VAMP7: variants seen among roughly 807,000 people sequenced by gnomAD.
VAMP7 encodes the protein vesicle-associated membrane protein 7.
VAMP7 carries 14 observed loss-of-function variants against 29.6 expected under a neutral mutation model. That is an observed-to-expected ratio of 0.47 (90% confidence interval 0.31 to 0.74). VAMP7 has a LOEUF of 0.74. Among genes scored for constraint, VAMP7 ranks in the 30% least tolerant of loss-of-function variants. VAMP7 has a pLI of 0.05. For missense variants in VAMP7, 223 were observed against 262.4 expected, an observed-to-expected ratio of 0.85 and a Z score of 1.04; for synonymous variants, 95 against 88.1, an observed-to-expected ratio of 1.08 and a Z score of -0.44.
intron 5 of VAMP7, among the ~76,000 whole-genome samples, chrX:155,912,220 T>C (rs2066247250): frequency 6.6e-6 from 1 of 152,154 alleles, no homozygotes; most frequent in Non-Finnish European, 1.5e-5. Flanking sequence ...TTTGATACCT[T>C]GAACTATATA....
At chrX:155,932,664 T>A (rs1268853674) in intron 6 of VAMP7, among the ~76,000 whole-genome samples, 1 of 152,184 alleles carries the variant, frequency 6.6e-6, no homozygotes, top group African/African-American at 2.4e-5. Context: ...AGGGACAATT[T>A]GATTTCCTCT....
rs773031362 is a variant in VAMP7 at position 155,943,295 on chromosome X, C to G, written c.*1344C>G. On this transcript the variant is annotated 3_prime_UTR_variant, in exon 8 of 8. Coordinates refer to ENST00000286448, the MANE Select transcript of VAMP7 (RefSeq NM_005638.6). ...CTGTAGAATCTAGCCACCTGTTTAG[C>G]CTAGTCATGTGCCTTGAACATATAT... 18 of 152,224 alleles carry G rather than the reference C, an allele frequency of 1.2e-4. No homozygotes were observed. The highest frequency in any genetic ancestry group is 4.3e-4 in the African/African-American group (18 of 41,406). 9.4% of individuals were successfully genotyped at this position (152,224 alleles called of 1,614,324 possible).
Position 155,942,287 on chromosome X carries a change from C to A in VAMP7, c.*336C>A. ...CGCCGCTAGTCTTATGAGCTATCTA[C>A]TAAAACTATGGAGAAACTTTGTATG... On this transcript the variant is annotated 3_prime_UTR_variant, in exon 8 of 8. Coordinates refer to ENST00000286448, the MANE Select transcript of VAMP7 (RefSeq NM_005638.6). 1.0e-6 allele frequency: 1 copy of A among 1,000,452 alleles called. No homozygotes were observed. The highest frequency in any genetic ancestry group is 1.8e-5 in the South Asian group (1 of 55,510). The allele number at this position is 1,000,452 out of a possible 1,614,324, so 62.0% of individuals were successfully genotyped here. A position where few individuals can be genotyped will look rare whatever the true frequency, so the allele number is the denominator to read the frequency against.
rs149222970 is a variant in VAMP7, at chrX:155,899,344, T to C, written c.342+1095T>C. ...CAGTTGATGTGTAATGGTATCTCAT[T>C]GTGGTTTTAATTTATGTTTTCATGA... On this transcript the variant is annotated intron_variant, in intron 4 of 7. Transcript: ENST00000286448. Among the ~76,000 whole-genome samples, 1,173 of 152,110 alleles carry C rather than the reference T, an allele frequency of 7.7e-3. 5 individuals are homozygous for C. The highest frequency in any genetic ancestry group is 0.014 in the Middle Eastern group (4 of 294).
At position 155,943,200 on chromosome X, in the gene VAMP7, T is replaced by G. The variant is rs2124420507; in HGVS notation, c.*1249T>G. 6.6e-6 allele frequency: 1 copy of G among 150,620 alleles called. No homozygotes were observed. Among genetic ancestry groups the G allele is most frequent in the South Asian group, 2.2e-4 (1 of 4,598 alleles). 9.3% of individuals were successfully genotyped at this position (150,620 alleles called of 1,614,324 possible). A position where few individuals can be genotyped will look rare whatever the true frequency, so the allele number is the denominator to read the frequency against. The stretch of plus-strand genomic sequence containing the variant: ...CTACCCTAGATCCAATTGCATTTAT[T>G]TATCAATAAGTGCCATTAAATTGAA... On this transcript the variant is annotated 3_prime_UTR_variant, in exon 8 of 8. Coordinates refer to ENST00000286448, the MANE Select transcript of VAMP7 (RefSeq NM_005638.6).
At chrX:155,935,988 A>G (rs1316433720) in intron 6 of VAMP7, among the ~76,000 whole-genome samples, 2 of 152,110 alleles carry the variant, frequency 1.3e-5, no homozygotes, top group South Asian at 2.1e-4. Context: ...TTGCCTGGGT[A>G]TCAGCAGCGG....
rs761649071 is a variant in VAMP7 at position 155,924,521 on chromosome X, T to G, written c.501+4641T>G. ...TCTCTGAATTTGCCTGTTCTAGATATGTCATATAAGTGGGATCATACAAAA... is the reference window on the plus strand; with the variant it reads ...TCTCTGAATTTGCCTGTTCTAGATAGGTCATATAAGTGGGATCATACAAAA... On this transcript the variant is annotated intron_variant, in intron 6 of 7. Transcript: ENST00000286448. Among the ~76,000 whole-genome samples, 26 of 152,304 alleles carry G rather than the reference T, an allele frequency of 1.7e-4. No homozygotes were observed. The East Asian group carries it at 5.0e-3, about 29-fold the overall frequency.
At chrX:155,940,570 A>C (rs1472186916) in intron 7 of VAMP7, among the ~76,000 whole-genome samples, 1 of 152,140 alleles carries the variant, frequency 6.6e-6, no homozygotes, top group Non-Finnish European at 1.5e-5. Context: ...CTGGGAGTTT[A>C]GGTTGATTTG....
chrX:155,929,425 A>G (rs2066515877), intron 6 of VAMP7, among the ~76,000 whole-genome samples: 4 of 152,170 alleles, frequency 2.6e-5, no homozygotes, highest in Non-Finnish European at 5.9e-5. Flanking sequence ...CTAGTCAGCA[A>G]CAAATTGCCT....
At chrX:155,928,982 A>G (rs1423825356) in intron 6 of VAMP7, among the ~76,000 whole-genome samples, 2 of 152,124 alleles carry the variant, frequency 1.3e-5, no homozygotes, top group Non-Finnish European at 2.9e-5. Context: ...ATCCTCACAC[A>G]TTTTCTTCAT....
chrX:155,913,242 G>C (rs1181892552), intron 5 of VAMP7, among the ~76,000 whole-genome samples: 2 of 151,838 alleles, frequency 1.3e-5, no homozygotes, highest in Non-Finnish European at 2.9e-5. Context: ...TTGTAAATTT[G>C]TTTAAGTTCC....
chrX:155,928,133 G>T (rs2066498007), intron 6 of VAMP7, among the ~76,000 whole-genome samples: 1 of 151,688 alleles, frequency 6.6e-6, no homozygotes, highest in East Asian at 1.9e-4. Context: ...ATGTTGCTCT[G>T]GCTGGTCTCA....
chrX:155,929,641 T>C (rs945528813), intron 6 of VAMP7, among the ~76,000 whole-genome samples: 4 of 152,152 alleles, frequency 2.6e-5, no homozygotes, highest in African/African-American at 9.7e-5. Flanking sequence ...GTTTATCCCA[T>C]GTCACTGGGG....
rs186155600 is a variant in VAMP7, at chrX:155,940,511, A to G, written c.594+718A>G. ...GTTCCTTGCTCAGGTTTCTCTTTCT[A>G]ATATCACATTTTAGGCTCCTGAGCT... On this transcript the variant is annotated intron_variant, in intron 7 of 7. Coordinates refer to ENST00000286448, the MANE Select transcript of VAMP7 (RefSeq NM_005638.6). Among the ~76,000 whole-genome samples the G allele has an allele frequency of 1.6e-3, 244 of 152,266 alleles. 2 individuals carry two copies. The highest frequency in any genetic ancestry group is 5.6e-3 in the African/African-American group (233 of 41,546).
At chrX:155,900,381 T>A (rs1053271936) in intron 4 of VAMP7, 116 bp from the exon 5 acceptor site, 8 of 778,676 alleles carry the variant, frequency 1.0e-5, no homozygotes, top group Non-Finnish European at 1.4e-5. Context: ...ATCTTTTATA[T>A]CAATAGAGAC....
chrX:155,922,432 T>A (rs1239338811), intron 6 of VAMP7, among the ~76,000 whole-genome samples: 2 of 152,044 alleles, frequency 1.3e-5, no homozygotes, highest in Non-Finnish European at 1.5e-5. Flanking sequence ...CATTTGAGAG[T>A]TGTATTCATG....
At chrX:155,940,114 A>G (rs1222871772) in intron 7 of VAMP7, among the ~76,000 whole-genome samples, 1 of 152,090 alleles carries the variant, frequency 6.6e-6, no homozygotes, top group Admixed American at 6.5e-5. Context: ...TAAATTAATT[A>G]TGTATTTTTA....
chrX:155,915,313 G>A (rs192476653), intron 5 of VAMP7, among the ~76,000 whole-genome samples: 2 of 152,124 alleles, frequency 1.3e-5, no homozygotes, highest in Admixed American at 1.3e-4. Flanking sequence ...CAAAAAACCA[G>A]CTCCTGGATT....
chrX:155,892,154 T>G (rs985780614), intron 2 of VAMP7, among the ~76,000 whole-genome samples: 4 of 152,182 alleles, frequency 2.6e-5, no homozygotes, highest in Non-Finnish European at 5.9e-5. Context: ...CTGCCATGCC[T>G]CTCTGCCTGT....
Sources: allele counts gnomAD v4.1 joint callset (sites outside exome capture counted in the v4.1 genomes callset), GRCh38; gene constraint gnomAD v4.1.1; transcripts MANE v1.5; gene names NCBI Gene and HGNC (gene_info 2026-07-23, HGNC 2026-07-21).